Variants in GABRB1 observed in about 807,000 individuals in gnomAD.
GABRB1 encodes gamma-aminobutyric acid type A receptor subunit beta1.
GABRB1 carries 17 observed loss-of-function variants against 51.6 expected under a neutral mutation model. The ratio of observed to expected loss-of-function variants is 0.33; its 90% CI spans 0.23 to 0.49. The LOEUF is 0.49. Among genes scored for constraint, GABRB1 ranks in the 20% least tolerant of loss-of-function variants. The pLI is 0.99. For missense variants in GABRB1, 410 were observed against 600.6 expected (o/e 0.68, Z 3.32); for synonymous variants, 247 against 218.9 (o/e 1.13, Z -1.14).
In GABRB1 at chr4:47,161,544, G is replaced by C. The variant is rs561443773; in HGVS notation, c.461+75G>C. On this transcript the variant is annotated intron_variant, in intron 4 of 8. Coordinates refer to ENST00000295454, the MANE Select transcript of GABRB1 (RefSeq NM_000812.4). ...TTTTAAACTTTTGGAAGTGGGCAAAGGGGAGAGAAGCAAGAATATATAGAT... is the reference window on the plus strand; with the variant it reads ...TTTTAAACTTTTGGAAGTGGGCAAACGGGAGAGAAGCAAGAATATATAGAT... 4 of 1,157,222 alleles carry C rather than the reference G, an allele frequency of 3.5e-6. No individual in the cohort carries two copies. The African/African-American group carries it at 4.6e-5, about 13-fold the overall frequency. The allele number at this position is 1,157,222 out of a possible 1,614,324, so 71.7% of individuals were successfully genotyped here. A position where few individuals can be genotyped will look rare whatever the true frequency, so the allele number is the denominator to read the frequency against.
intron 4 of GABRB1, among the ~76,000 whole-genome samples, chr4:47,312,165 A>G (rs1236839479): frequency 6.6e-6 from 1 of 152,056 alleles, no homozygotes; most frequent in African/African-American, 2.4e-5. Context: ...TTTAAAATTA[A>G]ATATCAATAT....
At chr4:47,099,105 C>T (rs948916565) in intron 3 of GABRB1, among the ~76,000 whole-genome samples, 2 of 152,010 alleles carry the variant, frequency 1.3e-5, no homozygotes, top group Non-Finnish European at 2.9e-5. Context: ...GAAGATACAT[C>T]CATGGTAAGG....
chr4:47,321,770 CTTTG>C (rs1391571076), intron 5 of GABRB1, among the ~76,000 whole-genome samples: 1 of 151,752 alleles, frequency 6.6e-6, no homozygotes, highest in Admixed American at 6.6e-5. Flanking sequence ...CTTCCATTGA[CTTTG>C]TGATTTTTTT....
chr4:47,422,194 C>T (rs1729111616), intron 8 of GABRB1, among the ~76,000 whole-genome samples: 1 of 150,952 alleles, frequency 6.6e-6, no homozygotes, highest in African/African-American at 2.4e-5. Context: ...GTAAAATTCC[C>T]ATTTCTGAAG....
intron 4 of GABRB1, among the ~76,000 whole-genome samples, chr4:47,294,913 C>G (rs190110984): frequency 0.018 from 2,693 of 152,244 alleles, 34 homozygotes; most frequent in Non-Finnish European, 0.03. Flanking sequence ...GACAAAACTT[C>G]CAGAGGAATG....
At chr4:47,117,546 G>A (rs1486086992) in intron 3 of GABRB1, among the ~76,000 whole-genome samples, 1 of 152,122 alleles carries the variant, frequency 6.6e-6, no homozygotes, top group African/African-American at 2.4e-5. Context: ...ATGCCGTTCA[G>A]GAGCTCAGGG....
At chr4:47,218,653 G>C (rs1720649690) in intron 4 of GABRB1, among the ~76,000 whole-genome samples, 1 of 151,718 alleles carries the variant, frequency 6.6e-6, no homozygotes, top group Non-Finnish European at 1.5e-5. Flanking sequence ...TGTCTATTCA[G>C]ATGGCTCACT....
intron 3 of GABRB1, among the ~76,000 whole-genome samples, chr4:47,160,461 T>C (rs1717894257): frequency 6.6e-6 from 1 of 152,154 alleles, no homozygotes; most frequent in Non-Finnish European, 1.5e-5. Flanking sequence ...CCTTTATGTG[T>C]TAAACGAGCA....
chr4:47,134,449 A>T (rs1322931882), intron 3 of GABRB1, among the ~76,000 whole-genome samples: 1 of 152,234 alleles, frequency 6.6e-6, no homozygotes, highest in Admixed American at 6.5e-5. Context: ...TTAGAAAATC[A>T]ATAACAATTA....
intron 4 of GABRB1, among the ~76,000 whole-genome samples, chr4:47,195,461 TGATAGATAGATAGATAGATA>T (rs200527612): frequency 1.2e-5 from 1 of 85,410 alleles, no homozygotes; most frequent in South Asian, 3.6e-4. Context: ...ATAGATTAGA[TGATAGATAGATAGATAGATA>T]GATAGATAGA....
At chr4:47,169,124 A>G (rs1215307187) in intron 4 of GABRB1, among the ~76,000 whole-genome samples, 2 of 152,114 alleles carry the variant, frequency 1.3e-5, no homozygotes, top group African/African-American at 4.8e-5. Flanking sequence ...ATTTGACGAG[A>G]CACAATTCAA....
chr4:47,230,501 G>A (rs985831953), intron 4 of GABRB1, among the ~76,000 whole-genome samples: 1 of 152,140 alleles, frequency 6.6e-6, no homozygotes, highest in African/African-American at 2.4e-5. Context: ...CCCCTTGGAA[G>A]GGCTAAAAAT....
intron 8 of GABRB1, among the ~76,000 whole-genome samples, chr4:47,419,809 G>A (rs1300326356): frequency 2.0e-5 from 3 of 152,164 alleles, no homozygotes; most frequent in African/African-American, 7.2e-5. Context: ...TTTGCAGCCA[G>A]GAAATATGCC....
At chr4:47,146,908 G>A (rs1717195962) in intron 3 of GABRB1, among the ~76,000 whole-genome samples, 2 of 152,028 alleles carry the variant, frequency 1.3e-5, no homozygotes, top group Non-Finnish European at 2.9e-5. Flanking sequence ...ATGTCATAAA[G>A]AGAAATGTGT....
At position 47,014,218 on chromosome 4, in the gene GABRB1, T is replaced by C. The variant is rs370207914; in HGVS notation, c.-19-17696T>C. ...ATTGGAACTGGTTGTGAATGTCCTA[T>C]TCTGCACTTTTACAATTTCCATAGT... On this transcript the variant is annotated intron_variant, in intron 1 of 3. Transcript: ENST00000513567. Among the ~76,000 whole-genome samples, 109 of 152,318 alleles carry C rather than the reference T, an allele frequency of 7.2e-4. No homozygotes were observed. The Middle Eastern group carries it at 0.01, about 14-fold the overall frequency.
At chr4:47,174,942 C>T (rs187831091) in intron 4 of GABRB1, among the ~76,000 whole-genome samples, 1,323 of 123,488 alleles carry the variant, frequency 0.011, 20 homozygotes, top group African/African-American at 0.039. Context: ...CCTTCCTTCC[C>T]TCCTCCTTCC....
chr4:47,206,962 C>A (rs572588460), intron 4 of GABRB1, among the ~76,000 whole-genome samples: 55 of 151,694 alleles, frequency 3.6e-4, no homozygotes, highest in Non-Finnish European at 7.8e-4. Context: ...TATTCAGAAA[C>A]CTGAAAGACT....
intron 4 of GABRB1, among the ~76,000 whole-genome samples, chr4:47,180,799 T>G (rs1305446005): frequency 6.6e-6 from 1 of 152,064 alleles, no homozygotes; most frequent in African/African-American, 2.4e-5. Context: ...TGATTTGGAT[T>G]AATGAATGAA....
At chr4:47,223,441 G>T in intron 4 of GABRB1, among the ~76,000 whole-genome samples, 1 of 152,050 alleles carries the variant, frequency 6.6e-6, no homozygotes, top group Non-Finnish European at 1.5e-5. Flanking sequence ...TGCAGCTATA[G>T]AAATGAACTG....
Sources: gnomAD v4.1 joint callset for allele counts (sites outside exome capture counted in the v4.1 genomes callset) on GRCh38, gnomAD v4.1.1 for gene constraint, MANE v1.5 for transcripts, NCBI Gene and HGNC (gene_info 2026-07-23, HGNC 2026-07-21) for gene names.